CHRM3: variants seen among roughly 807,000 people sequenced by gnomAD.
The protein encoded by CHRM3 is muscarinic acetylcholine receptor M3.
In CHRM3, 11 loss-of-function variants were observed where a neutral mutation model predicts 41.8. That is an observed-to-expected ratio of 0.26 (90% CI 0.17 to 0.44). The LOEUF (loss-of-function observed/expected upper bound fraction) is 0.44, where lower values mean the gene tolerates loss of function less well. Ranked by LOEUF, CHRM3 falls within the 20% of genes least tolerant of loss-of-function variation. CHRM3 has a pLI of 1.00. For synonymous variants in CHRM3, 297 were observed against 301.4 expected, an observed-to-expected ratio of 0.99 and a Z score of 0.15; for missense variants, 571 against 745.4, an observed-to-expected ratio of 0.77 and a Z score of 2.72.
intron 5 of CHRM3, among the ~76,000 whole-genome samples, chr1:239,720,342 A>G (rs1662840818): frequency 6.6e-6 from 1 of 152,036 alleles, no homozygotes; most frequent in African/African-American, 2.4e-5. Flanking sequence ...ATGTTCATAT[A>G]GTCACTGGCA....
At chr1:239,857,785 T>C (rs931496960) in intron 6 of CHRM3, among the ~76,000 whole-genome samples, 1 of 152,190 alleles carries the variant, frequency 6.6e-6, no homozygotes, top group Non-Finnish European at 1.5e-5. Flanking sequence ...AGTTTAGTTA[T>C]GCACAAAGGT....
chr1:239,627,576 T>G lies in CHRM3; in HGVS notation c.-312-4648T>G, dbSNP rs1157820138. Among the ~76,000 whole-genome samples, 288 of 125,114 alleles carry G rather than the reference T, an allele frequency of 2.3e-3. 4 individuals carry two copies. Among genetic ancestry groups the G allele is most frequent in the Admixed American group, 5.2e-3 (65 of 12,450 alleles). 82.1% of individuals were successfully genotyped at this position (125,114 alleles called of 152,430 possible). A position where few individuals can be genotyped will look rare whatever the true frequency, so the allele number is the denominator to read the frequency against. On this transcript the variant is annotated intron_variant, in intron 3 of 6. Coordinates refer to ENST00000676153, the MANE Select transcript of CHRM3 (RefSeq NM_001375978.1). ...TTAGCTGGTGATTTTGCTCATTAGT[T>G]GATGCAGTTTCTTCCTAGTCTCGAT...
intron 3 of CHRM3, among the ~76,000 whole-genome samples, chr1:239,587,711 G>T (rs1211790649): frequency 6.6e-6 from 1 of 152,060 alleles, no homozygotes; most frequent in African/African-American, 2.4e-5. Context: ...CCTAAGCAAC[G>T]AAGTCATTTT....
At chr1:239,487,884 A>C (rs1033287210) in intron 1 of CHRM3, among the ~76,000 whole-genome samples, 1 of 151,448 alleles carries the variant, frequency 6.6e-6, no homozygotes, top group African/African-American at 2.4e-5. Flanking sequence ...ACACAAAGAC[A>C]AAAAAAAGAA....
At chr1:239,814,206 T>C (rs1334613691) in intron 5 of CHRM3, among the ~76,000 whole-genome samples, 1 of 152,154 alleles carries the variant, frequency 6.6e-6, no homozygotes, top group Admixed American at 6.5e-5. Flanking sequence ...TTAGTGTGGG[T>C]TCTCCCTCTC....
chr1:239,806,061 C>A (rs187028490), intron 5 of CHRM3, among the ~76,000 whole-genome samples: 17 of 152,282 alleles, frequency 1.1e-4, no homozygotes, highest in African/African-American at 3.6e-4. Flanking sequence ...GCTCAGACAC[C>A]TTTGGCATAG....
chr1:239,437,714 A>G (rs1663385553), intron 1 of CHRM3, among the ~76,000 whole-genome samples: 1 of 151,942 alleles, frequency 6.6e-6, no homozygotes, highest in Non-Finnish European at 1.5e-5. Context: ...GCCTGTGCAC[A>G]CCATTGAAGT....
At chr1:239,631,746 GC>G (rs1052807555) in intron 3 of CHRM3, among the ~76,000 whole-genome samples, 1 of 152,134 alleles carries the variant, frequency 6.6e-6, no homozygotes, top group African/African-American at 2.4e-5. Context: ...ATGAGAATGG[GC>G]TAATTGTAAG....
chr1:239,463,349 A>G (rs1052150120), intron 1 of CHRM3, among the ~76,000 whole-genome samples: 3 of 152,060 alleles, frequency 2.0e-5, no homozygotes, highest in East Asian at 1.9e-4. Flanking sequence ...TTTCCTGACA[A>G]TATTGCATCC....
At chr1:239,627,737 T>A (rs1415529546) in intron 3 of CHRM3, among the ~76,000 whole-genome samples, 1 of 140,146 alleles carries the variant, frequency 7.1e-6, no homozygotes, top group Admixed American at 7.1e-5. Flanking sequence ...GTCTATAAAG[T>A]ATTTTATTTC....
At chr1:239,684,154 A>C (rs75667345) in intron 5 of CHRM3, among the ~76,000 whole-genome samples, 24 of 152,306 alleles carry the variant, frequency 1.6e-4, no homozygotes, top group African/African-American at 5.5e-4. Context: ...GGTAGAATTC[A>C]TGCCTGCCAC....
intron 1 of CHRM3, among the ~76,000 whole-genome samples, chr1:239,419,747 A>G (rs1484674681): frequency 6.6e-6 from 1 of 152,238 alleles, no homozygotes. Context: ...TGTATCATAC[A>G]TAAAGATCAA....
chr1:239,911,710 G>A lies in CHRM3; in HGVS notation c.*2486G>A, dbSNP rs1680375795. 1 of 166,896 alleles carries A rather than the reference G, an allele frequency of 6.0e-6. No individual in the cohort carries two copies. The highest frequency in any genetic ancestry group is 2.1e-4 in the South Asian group (1 of 4,822). The allele number at this position is 166,896 out of a possible 1,614,324, so 10.3% of individuals were successfully genotyped here. A position where few individuals can be genotyped will look rare whatever the true frequency, so the allele number is the denominator to read the frequency against. On this transcript the variant is annotated 3_prime_UTR_variant, in exon 7 of 7. Coordinates refer to ENST00000676153, the MANE Select transcript of CHRM3 (RefSeq NM_001375978.1). Reference sequence around the variant, plus strand: ...GAAAAGGAACAAATCCAAGACTCTAGGTCTCCCTTTTTTGTTTTACTGGTT... The same window carrying A: ...GAAAAGGAACAAATCCAAGACTCTAAGTCTCCCTTTTTTGTTTTACTGGTT...
At chr1:239,587,942 T>C (rs1313657355) in intron 3 of CHRM3, among the ~76,000 whole-genome samples, 1 of 152,264 alleles carries the variant, frequency 6.6e-6, no homozygotes, top group African/African-American at 2.4e-5. Context: ...TTATGCATTC[T>C]GATTTTATTT....
chr1:239,393,595 C>A (rs1039846404), intron 1 of CHRM3, among the ~76,000 whole-genome samples: 1 of 152,180 alleles, frequency 6.6e-6, no homozygotes, highest in Non-Finnish European at 1.5e-5. Context: ...TTCCATCATG[C>A]AAGGACCAGC....
intron 1 of CHRM3, among the ~76,000 whole-genome samples, chr1:239,439,520 A>G (rs75339875): frequency 0.013 from 1,949 of 152,284 alleles, 49 homozygotes; most frequent in African/African-American, 0.044. Flanking sequence ...CAATGAGAGG[A>G]GAATTGAAAT....
At chr1:239,576,841 G>T (rs1662414664) in intron 3 of CHRM3, among the ~76,000 whole-genome samples, 2 of 151,770 alleles carry the variant, frequency 1.3e-5, no homozygotes, top group Admixed American at 6.6e-5. Flanking sequence ...CAGACTATAG[G>T]TGTTTCATCA....
intron 6 of CHRM3, among the ~76,000 whole-genome samples, chr1:239,887,257 A>T (rs1678151010): frequency 6.6e-6 from 1 of 151,696 alleles, no homozygotes; most frequent in Non-Finnish European, 1.5e-5. Flanking sequence ...GCTGGAGTGC[A>T]GTGGGGCAAG....
chr1:239,535,106 A>C (rs1658065481), intron 2 of CHRM3, among the ~76,000 whole-genome samples: 1 of 152,190 alleles, frequency 6.6e-6, no homozygotes, highest in African/African-American at 2.4e-5. Context: ...CCACCAAATA[A>C]GTGTACTTTG....
Sources: gnomAD v4.1 joint callset for allele counts (sites outside exome capture counted in the v4.1 genomes callset) on GRCh38, gnomAD v4.1.1 for gene constraint, MANE v1.5 for transcripts, NCBI Gene and HGNC (gene_info 2026-07-23, HGNC 2026-07-21) for gene names.